Variants in NTN1 observed in about 807,000 individuals in gnomAD.
NTN1 encodes netrin 1, also known as netrin-1.
NTN1 carries 11 observed loss-of-function variants against 54.2 expected under a neutral mutation model. The ratio of observed to expected loss-of-function variants is 0.20; its 90% CI spans 0.13 to 0.34. NTN1 has a LOEUF of 0.34. Among genes scored for constraint, NTN1 ranks in the 10% least tolerant of loss-of-function variants. The pLI is 1.00. For missense variants in NTN1, 740 were observed against 893.1 expected (o/e 0.83, Z 2.18); for synonymous variants, 371 against 382.0 (o/e 0.97, Z 0.33).
At chr17:9,104,482 T>A (rs985266511) in intron 2 of NTN1, among the ~76,000 whole-genome samples, 1 of 152,144 alleles carries the variant, frequency 6.6e-6, no homozygotes, top group Non-Finnish European at 1.5e-5. Context: ...AAGCTTCCTG[T>A]GCTTCGGGGC....
chr17:9,003,252 G>A, the NTN1 span, among the ~76,000 whole-genome samples: 1 of 151,780 alleles, frequency 6.6e-6, no homozygotes, highest in South Asian at 2.1e-4. The surrounding 1 kb of genome is among the most constrained non-coding windows in gnomAD (Gnocchi z 7.4). Flanking sequence ...CGGCGCCCAA[G>A]TTTTCTTGAA....
intron 2 of NTN1, among the ~76,000 whole-genome samples, chr17:9,106,477 CT>C (rs1216867053): frequency 4.0e-4 from 10 of 25,050 alleles, no homozygotes; most frequent in South Asian, 5.6e-3. Flanking sequence ...CCCTTCCTTC[CT>C]TCCTTCCTTC....
intron 2 of NTN1, among the ~76,000 whole-genome samples, chr17:9,061,988 C>G (rs565742629): frequency 6.6e-6 from 1 of 152,266 alleles, no homozygotes; most frequent in African/African-American, 2.4e-5. Context: ...CAGGTGTGAG[C>G]CACCACAGCC....
chr17:9,152,012 G>A (rs966106263), intron 2 of NTN1, among the ~76,000 whole-genome samples: 2 of 152,170 alleles, frequency 1.3e-5, no homozygotes, highest in African/African-American at 4.8e-5. Context: ...GGACAGAAAT[G>A]GAACATGGGC....
chr17:9,168,696 A>C (rs4791340), intron 3 of NTN1, among the ~76,000 whole-genome samples: 79,872 of 151,944 alleles, frequency 0.53, 21,862 homozygotes, highest in East Asian at 0.86. Flanking sequence ...ATTCACAGCA[A>C]AGCAAAGTTC....
At chr17:9,007,326 C>G in the NTN1 span, among the ~76,000 whole-genome samples, 13 of 136,532 alleles carry the variant, frequency 9.5e-5, no homozygotes, top group African/African-American at 3.1e-4. Flanking sequence ...TCCTTTCTTT[C>G]TTCCTTTTTT....
the NTN1 span, among the ~76,000 whole-genome samples, chr17:9,015,282 G>A: frequency 1.3e-5 from 2 of 152,146 alleles, no homozygotes; most frequent in African/African-American, 2.4e-5. Flanking sequence ...GTGGTGGCGG[G>A]TGCCTGTCAT....
chr17:9,110,382 G>C (rs2092186020), intron 2 of NTN1, among the ~76,000 whole-genome samples: 1 of 151,784 alleles, frequency 6.6e-6, no homozygotes, highest in East Asian at 1.9e-4. Context: ...CAATTCTCCT[G>C]CCTCAGCCTC....
In NTN1 at chr17:9,040,916, A is replaced by G. The variant is rs140629787; in HGVS notation, c.1018+17525A>G. Among the ~76,000 whole-genome samples the G allele has an allele frequency of 6.0e-3, 919 of 152,066 alleles. 8 individuals are homozygous for G. Among genetic ancestry groups the G allele is most frequent in the Non-Finnish European group, 5.2e-3 (352 of 67,984 alleles). ...AGCCTCAACCTCCTGGGCTAAAGCA[A>G]TCCTCCTACCTCACACTCTTGAGTA... is the stretch of plus-strand genomic sequence containing the variant. On this transcript the variant is annotated intron_variant, in intron 2 of 6. Transcript: ENST00000173229.
chr17:9,049,270 A>G (rs979941455), intron 2 of NTN1, among the ~76,000 whole-genome samples: 1 of 152,266 alleles, frequency 6.6e-6, no homozygotes, highest in South Asian at 2.1e-4. Flanking sequence ...GAATATTTGC[A>G]TAATGCTAGT....
intron 2 of NTN1, among the ~76,000 whole-genome samples, chr17:9,123,265 T>C (rs2092236690): frequency 6.6e-6 from 1 of 152,228 alleles, no homozygotes; most frequent in African/African-American, 2.4e-5. Flanking sequence ...TTTTCATTGA[T>C]TTGTCTTTGA....
At chr17:9,125,667 G>A (rs1034410588) in intron 2 of NTN1, among the ~76,000 whole-genome samples, 2 of 151,928 alleles carry the variant, frequency 1.3e-5, no homozygotes, top group Non-Finnish European at 2.9e-5. Context: ...GTGCAGTGGT[G>A]CAATCATAGC....
intron 2 of NTN1, among the ~76,000 whole-genome samples, chr17:9,110,815 G>A (rs920628841): frequency 4.6e-5 from 7 of 152,030 alleles, no homozygotes; most frequent in East Asian, 1.9e-4. Context: ...ACTTGTAGCC[G>A]CATCATTCCG....
intron 2 of NTN1, among the ~76,000 whole-genome samples, chr17:9,051,964 T>C: frequency 7.1e-6 from 1 of 140,394 alleles, no homozygotes; most frequent in African/African-American, 2.8e-5. Flanking sequence ...CACGTTTGGG[T>C]TTTTTTTTTT....
intron 2 of NTN1, among the ~76,000 whole-genome samples, chr17:9,150,845 G>A (rs2092325539): frequency 6.6e-6 from 1 of 152,164 alleles, no homozygotes; most frequent in Admixed American, 6.5e-5. Context: ...TTGGGGGATG[G>A]CCCCCGCTGT....
At chr17:9,026,621 A>G (rs1022209597) in intron 2 of NTN1, among the ~76,000 whole-genome samples, 6 of 152,140 alleles carry the variant, frequency 3.9e-5, no homozygotes, top group African/African-American at 7.2e-5. Flanking sequence ...AACAGTTGTA[A>G]ACCACCTGGG....
chr17:9,213,590 T>C (rs1905157947), intron 5 of NTN1, among the ~76,000 whole-genome samples: 2 of 152,224 alleles, frequency 1.3e-5, no homozygotes, highest in South Asian at 4.1e-4. Flanking sequence ...TGTGTATATA[T>C]GGTTATGCCA....
At chr17:9,092,325 T>A (rs957046188) in intron 2 of NTN1, among the ~76,000 whole-genome samples, 3 of 120,550 alleles carry the variant, frequency 2.5e-5, no homozygotes, top group African/African-American at 8.8e-5. Flanking sequence ...TTCTCTTTTT[T>A]TTTTTTTTTT....
chr17:9,183,563 A>G, intron 5 of NTN1: 1 of 312,636 alleles, frequency 3.2e-6, no homozygotes, highest in South Asian at 2.8e-5. Flanking sequence ...TGCAGATATC[A>G]TAAATATCGT....
Sources: allele counts gnomAD v4.1 joint callset (sites outside exome capture counted in the v4.1 genomes callset), GRCh38; gene constraint gnomAD v4.1.1; non-coding constraint Gnocchi (gnomAD v3.1); transcripts MANE v1.5; gene names NCBI Gene and HGNC (gene_info 2026-07-23, HGNC 2026-07-21).